The following PLEKHA1 variants were observed in gnomAD, a reference collection of about 807,000 sequenced individuals.
PLEKHA1 encodes pleckstrin homology domain containing A1.
A neutral mutation model predicts 52.0 loss-of-function variants in PLEKHA1; 34 were observed. The ratio of observed to expected loss-of-function variants is 0.65; its 90% CI spans 0.50 to 0.87. The LOEUF is 0.87. Ranked by LOEUF, PLEKHA1 falls within the 40% of genes least tolerant of loss-of-function variation. The pLI is 0.00. For synonymous variants in PLEKHA1, 163 were observed against 170.7 expected (o/e 0.95, Z 0.35); for missense variants, 497 against 504.2 (o/e 0.99, Z 0.14).
chr10:122,441,350 C>T, the PLEKHA1 span: 1 of 152,068 alleles, frequency 6.6e-6, no homozygotes, highest in Admixed American at 6.6e-5. Flanking sequence ...TGTCTGTAGT[C>T]CCAGCGACTT....
At chr10:122,427,591 G>A (rs952508) in intron 11 of PLEKHA1, among the ~76,000 whole-genome samples, 13,613 of 152,176 alleles carry the variant, frequency 0.089, 744 homozygotes, top group Middle Eastern at 0.17. Flanking sequence ...TGCTTTAACA[G>A]CCTGCTTCTG....
intron 5 of PLEKHA1, 54 bp from the exon 6 acceptor site, chr10:122,412,865 AG>A: frequency 6.3e-7 from 1 of 1,579,626 alleles, no homozygotes; most frequent in South Asian, 1.1e-5. Context: ...GCGAGAAAAC[AG>A]GTTCACATGT....
At chr10:122,418,020 A>C (rs767199139) in intron 8 of PLEKHA1, 52 bp downstream of exon 8, 17 of 1,388,138 alleles carry the variant, frequency 1.2e-5, no homozygotes, top group Non-Finnish European at 1.0e-6. Flanking sequence ...AAAGTGTTGC[A>C]ATGTAGTGAT....
At chr10:122,391,281 A>G (rs1160123366) in intron 1 of PLEKHA1, among the ~76,000 whole-genome samples, 2 of 151,976 alleles carry the variant, frequency 1.3e-5, no homozygotes, top group Admixed American at 6.6e-5. Flanking sequence ...AAGTTTTAAA[A>G]TTTGATGAAG....
chr10:122,406,557 T>A lies in PLEKHA1; in HGVS notation c.245-19T>A. 1 of 1,577,994 alleles carries A rather than the reference T, an allele frequency of 6.3e-7. No individual in the cohort carries two copies. The highest frequency in any genetic ancestry group is 8.7e-7 in the Non-Finnish European group (1 of 1,148,242). The stretch of plus-strand genomic sequence containing the variant: ...GTAATAAGTACAATATTTGGTGTGT[T>A]ATTTTTTTCTGTCAACAGTTATGAA... On this transcript the variant is annotated intron_variant, in intron 4 of 11. Transcript: ENST00000368990.
At position 122,429,637 on chromosome 10, in the gene PLEKHA1, G is replaced by A. The variant is rs1330185644; in HGVS notation, c.914G>A (p.Gly305Asp). 2 of 1,613,610 alleles carry A rather than the reference G, an allele frequency of 1.2e-6. No homozygotes were observed. The highest frequency in any genetic ancestry group is 1.7e-5 in the Admixed American group (1 of 59,994). ...GRSASSEHPP[G>D]PSESKHAFRP... Reference sequence around the variant, plus strand: ...TCCTTTTTGCAGGAGCATCCCCCCGGTCCTTCAGAATCCAAACACGCTTTC... The same window carrying A: ...TCCTTTTTGCAGGAGCATCCCCCCGATCCTTCAGAATCCAAACACGCTTTC... The change falls in exon 12 of 12, where the codon GGT becomes GAT. Residue 305 changes from glycine (G) to aspartate (D), a missense_variant. By Grantham distance (94) the Gly-to-Asp change is moderately conservative. Coordinates refer to ENST00000368990, the MANE Select transcript of PLEKHA1 (RefSeq NM_001001974.4).
At chr10:122,394,984 C>T (rs1359894404) in intron 2 of PLEKHA1, among the ~76,000 whole-genome samples, 1 of 152,096 alleles carries the variant, frequency 6.6e-6, no homozygotes, top group Non-Finnish European at 1.5e-5. Context: ...ACTTGGAATT[C>T]AGAGGAAAGT....
At chr10:122,417,162 A>T (rs1180128036) in intron 7 of PLEKHA1, 1 of 152,268 alleles carries the variant, frequency 6.6e-6, no homozygotes, top group Non-Finnish European at 1.5e-5. Context: ...AAATAGGTTT[A>T]CTTTATTAAA....
downstream of PLEKHA1, chr10:122,436,915 C>T (rs2097439965): frequency 6.6e-6 from 1 of 151,342 alleles, no homozygotes; most frequent in South Asian, 2.1e-4. Context: ...GTATGTATAC[C>T]TCTAATGCAC....
chr10:122,425,122 G>T, intron 10 of PLEKHA1, 163 bp downstream of exon 10: 1 of 471,752 alleles, frequency 2.1e-6, no homozygotes, highest in South Asian at 5.9e-5. Flanking sequence ...GTTATTGGTG[G>T]GGTTATATGT....
chr10:122,400,750 G>C (rs1049328385), intron 4 of PLEKHA1, among the ~76,000 whole-genome samples: 1 of 152,164 alleles, frequency 6.6e-6, no homozygotes, highest in Admixed American at 6.5e-5. Flanking sequence ...TTTAGCTTTT[G>C]GGTAGTGAGA....
intron 2 of PLEKHA1, among the ~76,000 whole-genome samples, chr10:122,394,069 C>CTTTTTTTT (rs796831792): frequency 1.7e-4 from 17 of 97,244 alleles, no homozygotes; most frequent in Admixed American, 3.7e-4. Flanking sequence ...ACTTTCTCTA[C>CTTTTTTTT]TTTTTTTTTT....
intron 3 of PLEKHA1, 84 bp from the exon 4 acceptor site, chr10:122,400,259 A>G: frequency 9.8e-7 from 1 of 1,023,312 alleles, no homozygotes; most frequent in Non-Finnish European, 1.4e-6. Context: ...GGGGAATCAT[A>G]CATGTGGAAG....
intron 5 of PLEKHA1, chr10:122,411,966 T>A (rs550748932): frequency 1.3e-5 from 2 of 152,346 alleles, no homozygotes; most frequent in South Asian, 4.1e-4. Flanking sequence ...AACATTATAA[T>A]TGATGCTGAG....
chr10:122,415,239 C>T (rs1353408157), intron 6 of PLEKHA1, among the ~76,000 whole-genome samples: 1 of 152,168 alleles, frequency 6.6e-6, no homozygotes, highest in Non-Finnish European at 1.5e-5. Flanking sequence ...ATTTACATTA[C>T]ATTTTCAAAA....
intron 1 of PLEKHA1, among the ~76,000 whole-genome samples, chr10:122,380,272 G>A (rs543358277): frequency 1.3e-5 from 2 of 152,336 alleles, no homozygotes; most frequent in East Asian, 1.9e-4. Flanking sequence ...GACAGCCACT[G>A]TGTTAGGCAT....
chr10:122,400,455 T>G, intron 4 of PLEKHA1, 67 bp downstream of exon 4: 1 of 1,445,570 alleles, frequency 6.9e-7, no homozygotes, highest in Non-Finnish European at 9.4e-7. Context: ...AAAAGAAAAC[T>G]GTTGCAGAAA....
At chr10:122,375,598 G>GGGGAAAGTGTGTCATAATGAAAGCGGTC in intron 1 of PLEKHA1, among the ~76,000 whole-genome samples, 1 of 152,232 alleles carries the variant, frequency 6.6e-6, no homozygotes, top group Admixed American at 6.5e-5. Flanking sequence ...CCTGGAAAGA[G>GGGGAAAGTGTGTCATAATGAAAGCGGTC]GGGAAAGTGT....
chr10:122,374,888 G>C (rs911367625), intron 1 of PLEKHA1, 82 bp downstream of exon 1: 2 of 154,806 alleles, frequency 1.3e-5, no homozygotes, highest in African/African-American at 2.4e-5. Flanking sequence ...GCGGCTGCGG[G>C]GCTGCCGGGC....
Sources: allele counts gnomAD v4.1 joint callset (sites outside exome capture counted in the v4.1 genomes callset), GRCh38; gene constraint gnomAD v4.1.1; transcripts MANE v1.5; gene names NCBI Gene and HGNC (gene_info 2026-07-23, HGNC 2026-07-21).